The following PCDH15 variants were observed in gnomAD, a reference collection of about 807,000 sequenced individuals.
The protein encoded by PCDH15 is protocadherin-15.
Under a neutral mutation model 178.5 loss-of-function variants are expected in PCDH15, and 129 were observed. That is an observed-to-expected ratio of 0.72 (90% CI 0.63 to 0.84). The LOEUF (loss-of-function observed/expected upper bound fraction) is 0.84. PCDH15 is among the 40% of genes least tolerant of loss of function. The pLI is 0.00. For missense variants in PCDH15, 2,230 were observed against 2,099.9 expected (o/e 1.06, Z -1.21); for synonymous variants, 800 against 732.0 (o/e 1.09, Z -1.50).
chr10:53,865,111 C>G (rs1170680900), intron 27 of PCDH15, among the ~76,000 whole-genome samples: 1 of 152,022 alleles, frequency 6.6e-6, no homozygotes, highest in African/African-American at 2.4e-5. Context: ...TTAGCAACAA[C>G]AACAACGATA....
At chr10:55,332,363 TTTGA>T (rs1844224199) in intron 2 of PCDH15, among the ~76,000 whole-genome samples, 1 of 152,080 alleles carries the variant, frequency 6.6e-6, no homozygotes. Flanking sequence ...TAGTACTTGA[TTTGA>T]TTGTGAACTG....
At chr10:54,103,208 T>C (rs147965650) in intron 15 of PCDH15, among the ~76,000 whole-genome samples, 44 of 152,270 alleles carry the variant, frequency 2.9e-4, no homozygotes, top group African/African-American at 1.0e-3. Flanking sequence ...TACATAGAAG[T>C]TTTCTGCTTA....
intron 3 of PCDH15, among the ~76,000 whole-genome samples, chr10:54,411,942 G>A (rs1953587883): frequency 6.6e-6 from 1 of 152,192 alleles, no homozygotes; most frequent in Middle Eastern, 3.4e-3. Flanking sequence ...AAGGCAACTG[G>A]GGAGTATAGA....
intron 13 of PCDH15, among the ~76,000 whole-genome samples, chr10:54,177,536 G>C (rs1478205933): frequency 6.6e-6 from 1 of 152,014 alleles, no homozygotes; most frequent in Non-Finnish European, 1.5e-5. Flanking sequence ...GTGAGTATAT[G>C]GGAAATCACT....
At chr10:55,512,670 T>C (rs1196945485) in intron 2 of PCDH15, among the ~76,000 whole-genome samples, 3 of 152,052 alleles carry the variant, frequency 2.0e-5, no homozygotes, top group Admixed American at 2.0e-4. Flanking sequence ...GAATGAAGTG[T>C]ATTAAATGTA....
chr10:53,929,672 T>C (rs1245740243), intron 25 of PCDH15, among the ~76,000 whole-genome samples: 2 of 152,164 alleles, frequency 1.3e-5, no homozygotes, highest in East Asian at 3.9e-4. Context: ...AAGAATGAAA[T>C]GTATTACAAG....
intron 2 of PCDH15, among the ~76,000 whole-genome samples, chr10:55,057,153 G>A (rs1841326751): frequency 6.6e-6 from 1 of 152,102 alleles, no homozygotes; most frequent in Non-Finnish European, 1.5e-5. Context: ...ACACTGTAGA[G>A]ACTCCTGGGT....
chr10:55,519,485 C>T (rs1459842228), intron 2 of PCDH15, among the ~76,000 whole-genome samples: 1 of 151,928 alleles, frequency 6.6e-6, no homozygotes, highest in African/African-American at 2.4e-5. Flanking sequence ...ATGGAATTGT[C>T]ATGCATCTTG....
chr10:54,570,148 G>C (rs996150537), intron 2 of PCDH15, among the ~76,000 whole-genome samples: 3 of 151,980 alleles, frequency 2.0e-5, no homozygotes, highest in Non-Finnish European at 4.4e-5. Context: ...AAGGAGAATG[G>C]ATCAACTACA....
At chr10:54,107,680 T>C (rs2094941588) in intron 15 of PCDH15, among the ~76,000 whole-genome samples, 1 of 152,002 alleles carries the variant, frequency 6.6e-6, no homozygotes, top group Non-Finnish European at 1.5e-5. Flanking sequence ...GCAGTGTAAT[T>C]TGGGGTGTCC....
intron 23 of PCDH15, among the ~76,000 whole-genome samples, chr10:53,959,353 T>C (rs1172212449): frequency 6.6e-6 from 1 of 151,592 alleles, no homozygotes; most frequent in Non-Finnish European, 1.5e-5. Context: ...ATGGAAAATA[T>C]GATTGCAGAT....
Position 55,467,373 on chromosome 10 carries a change from C to CTTTTT in PCDH15, c.-156+160247_-156+160251dup, listed in dbSNP as rs59787759. ...AAAGAAAAGCCTGATCTTGGCCTGACTTTTTTTTTTTTTTTTTTTTAACTA... is the reference window on the plus strand; with the variant it reads ...AAAGAAAAGCCTGATCTTGGCCTGACTTTTTTTTTTTTTTTTTTTTTTTTTAACTA... On this transcript the variant is annotated intron_variant, in intron 2 of 5. Transcript: ENST00000613346. Among the ~76,000 whole-genome samples the CTTTTT allele has an allele frequency of 1.1e-4, 10 of 87,770 alleles. 5 individuals carry two copies. The highest frequency in any genetic ancestry group is 9.9e-5 in the Non-Finnish European group (4 of 40,310). 57.6% of individuals were successfully genotyped at this position (87,770 alleles called of 152,430 possible).
intron 13 of PCDH15, among the ~76,000 whole-genome samples, chr10:54,156,901 T>G (rs1290167082): frequency 6.6e-6 from 1 of 152,086 alleles, no homozygotes; most frequent in Non-Finnish European, 1.5e-5. Context: ...CGAAATCCAG[T>G]GGGGCAGTCA....
chr10:54,822,530 A>G (rs148901269), intron 3 of PCDH15, among the ~76,000 whole-genome samples: 1 of 152,210 alleles, frequency 6.6e-6, no homozygotes, highest in African/African-American at 2.4e-5. Context: ...TTATCTATTC[A>G]TCTTTTGATG....
intron 15 of PCDH15, among the ~76,000 whole-genome samples, chr10:54,112,748 A>C (rs1348266871): frequency 6.6e-6 from 1 of 152,196 alleles, no homozygotes; most frequent in Non-Finnish European, 1.5e-5. Flanking sequence ...TAAGAAAAAA[A>C]TTCAGAGTGA....
At chr10:54,152,185 T>C (rs1361994657) in intron 14 of PCDH15, among the ~76,000 whole-genome samples, 2 of 152,132 alleles carry the variant, frequency 1.3e-5, no homozygotes, top group East Asian at 1.9e-4. Context: ...AAATATACAA[T>C]ATGAATCCAC....
chr10:54,737,608 G>A (rs751835189), intron 1 of PCDH15, among the ~76,000 whole-genome samples: 2 of 152,024 alleles, frequency 1.3e-5, no homozygotes, highest in Non-Finnish European at 2.9e-5. Flanking sequence ...AGTGAAAACA[G>A]CTGTGTGACC....
At chr10:54,091,081 G>A (rs4277007) in intron 15 of PCDH15, among the ~76,000 whole-genome samples, 3,604 of 152,214 alleles carry the variant, frequency 0.024, 50 homozygotes, top group East Asian at 0.042. Context: ...AGATGCTCTT[G>A]TTTTATGGCA....
chr10:54,343,948 A>G (rs1043225207), intron 6 of PCDH15, among the ~76,000 whole-genome samples: 2 of 151,684 alleles, frequency 1.3e-5, no homozygotes, highest in Non-Finnish European at 2.9e-5. Context: ...TGCTTTATTG[A>G]AATGTTATTA....
Sources: allele counts gnomAD v4.1 joint callset (sites outside exome capture counted in the v4.1 genomes callset), GRCh38; gene constraint gnomAD v4.1.1; transcripts MANE v1.5; gene names NCBI Gene and HGNC (gene_info 2026-07-23, HGNC 2026-07-21).